The following RAD51B variants were observed in gnomAD, a reference collection of about 807,000 sequenced individuals.
The protein encoded by RAD51B is RAD51 paralog B.
In RAD51B, 38 loss-of-function variants were observed where a neutral mutation model predicts 42.2. The observed-to-expected ratio is 0.90, with a 90% CI of 0.70 to 1.18. RAD51B has a LOEUF of 1.18. Among genes scored for constraint, RAD51B ranks in the 50% most tolerant of loss-of-function variants. The probability of loss-of-function intolerance (pLI) is 0.00; values close to 1 mark genes in which losing one functional copy is unlikely to be tolerated. For synonymous variants in RAD51B, 154 were observed against 145.2 expected (o/e 1.06, Z -0.43); for missense variants, 373 against 400.7 (o/e 0.93, Z 0.59).
At chr14:67,942,807 A>G (rs1461388291) in intron 7 of RAD51B, among the ~76,000 whole-genome samples, 2 of 152,226 alleles carry the variant, frequency 1.3e-5, no homozygotes, top group African/African-American at 4.8e-5. Flanking sequence ...TTGCAATTAT[A>G]AAGTTCAGTG....
chr14:68,630,335 CT>C (rs1344365125), intron 10 of RAD51B, among the ~76,000 whole-genome samples: 1 of 152,078 alleles, frequency 6.6e-6, no homozygotes, highest in Non-Finnish European at 1.5e-5. Context: ...AGTGAACCCC[CT>C]ATCTCTGTAG....
intron 8 of RAD51B, among the ~76,000 whole-genome samples, chr14:68,381,914 T>C (rs747586957): frequency 2.6e-5 from 4 of 152,190 alleles, no homozygotes; most frequent in Non-Finnish European, 5.9e-5. Flanking sequence ...GTCCACAGTT[T>C]CTATCACTCC....
intron 7 of RAD51B, among the ~76,000 whole-genome samples, chr14:68,060,769 A>G (rs1304987809): frequency 2.0e-5 from 3 of 152,212 alleles, no homozygotes; most frequent in Non-Finnish European, 4.4e-5. Flanking sequence ...TGGACATCTA[A>G]TTAGCATTTC....
At chr14:68,497,184 C>T in intron 10 of RAD51B, 1 of 1,392,706 alleles carries the variant, frequency 7.2e-7, no homozygotes, top group Non-Finnish European at 9.6e-7. Context: ...CAAGAAAAAT[C>T]CGCTTTTCTG....
chr14:68,640,951 C>T (rs954896325), intron 10 of RAD51B, among the ~76,000 whole-genome samples: 2 of 152,122 alleles, frequency 1.3e-5, no homozygotes. Context: ...AAAAGGTAGC[C>T]AGGATCCTGA....
chr14:68,351,228 G>T (rs1310206292), intron 8 of RAD51B, among the ~76,000 whole-genome samples: 1 of 152,104 alleles, frequency 6.6e-6, no homozygotes, highest in South Asian at 2.1e-4. Flanking sequence ...TAAGAAATAG[G>T]GTTTCAACTG....
chr14:68,148,218 C>T (rs1230802231), intron 7 of RAD51B, among the ~76,000 whole-genome samples: 2 of 152,208 alleles, frequency 1.3e-5, no homozygotes, highest in Admixed American at 1.3e-4. Flanking sequence ...ATTTGCTTAT[C>T]CATTCATCTG....
At chr14:67,959,396 G>A (rs1421788201) in intron 7 of RAD51B, among the ~76,000 whole-genome samples, 4 of 151,876 alleles carry the variant, frequency 2.6e-5, no homozygotes, top group Non-Finnish European at 4.4e-5. Flanking sequence ...ACAGGCGCCC[G>A]CCACCACGCC....
chr14:68,249,141 G>C (rs1319107869), intron 7 of RAD51B, among the ~76,000 whole-genome samples: 2 of 152,164 alleles, frequency 1.3e-5, no homozygotes, highest in Admixed American at 1.3e-4. Flanking sequence ...CCGTGCAGTC[G>C]GTGGGTCATT....
intron 10 of RAD51B, among the ~76,000 whole-genome samples, chr14:68,640,203 A>G (rs950974050): frequency 2.7e-5 from 4 of 148,286 alleles, no homozygotes; most frequent in African/African-American, 9.7e-5. Context: ...CTTTACCTCC[A>G]AACACCCAAA....
At chr14:67,957,417 G>A (rs2140221174) in intron 7 of RAD51B, among the ~76,000 whole-genome samples, 1 of 152,202 alleles carries the variant, frequency 6.6e-6, no homozygotes. Context: ...CAAAACCAAA[G>A]GGACAAAGAT....
chr14:68,523,586 T>C (rs573751054), intron 10 of RAD51B, among the ~76,000 whole-genome samples: 1 of 152,320 alleles, frequency 6.6e-6, no homozygotes, highest in South Asian at 2.1e-4. Flanking sequence ...AGGAGCTTTC[T>C]CTTGGCCCTG....
chr14:68,412,300 A>C (rs1001189756), intron 9 of RAD51B, among the ~76,000 whole-genome samples: 6 of 152,212 alleles, frequency 3.9e-5, no homozygotes, highest in African/African-American at 1.4e-4. Context: ...TTTCTCCTAA[A>C]AGCAGGAGGA....
At chr14:68,038,462 G>T (rs908528553) in intron 7 of RAD51B, among the ~76,000 whole-genome samples, 2 of 151,444 alleles carry the variant, frequency 1.3e-5, no homozygotes, top group East Asian at 1.9e-4. Flanking sequence ...AAGATGCAGT[G>T]GTGCTTTTAT....
At chr14:68,156,464 T>TCTCTCTCTCTCTCG (rs1296594658) in intron 7 of RAD51B, among the ~76,000 whole-genome samples, 25 of 142,510 alleles carry the variant, frequency 1.8e-4, no homozygotes, top group African/African-American at 6.3e-4. Flanking sequence ...TTTCTCTCTC[T>TCTCTCTCTCTCTCG]CTCTCTCTCT....
intron 9 of RAD51B, chr14:68,421,816 C>T: frequency 1.3e-6 from 2 of 1,596,784 alleles, no homozygotes; most frequent in Non-Finnish European, 1.7e-6. Flanking sequence ...CCAAAGAGCA[C>T]GTGCTTGCCA....
At chr14:68,489,627 A>G (rs1450814879) in intron 10 of RAD51B, among the ~76,000 whole-genome samples, 1 of 152,206 alleles carries the variant, frequency 6.6e-6, no homozygotes, top group East Asian at 1.9e-4. Flanking sequence ...AAGTAGACAC[A>G]TTGCTAAGAA....
intron 7 of RAD51B, among the ~76,000 whole-genome samples, chr14:68,000,544 CCTGTT>C (rs2075462843): frequency 6.6e-6 from 1 of 152,134 alleles, no homozygotes; most frequent in African/African-American, 2.4e-5. Context: ...TAAAATATGT[CCTGTT>C]AAGATTTTTT....
chr14:68,060,497 TC>T (rs1290359933), intron 7 of RAD51B, among the ~76,000 whole-genome samples: 1 of 152,190 alleles, frequency 6.6e-6, no homozygotes, highest in Admixed American at 6.5e-5. Flanking sequence ...CAGACATTAA[TC>T]AAAACAGTCA....
Sources: allele counts gnomAD v4.1 joint callset (sites outside exome capture counted in the v4.1 genomes callset), GRCh38; gene constraint gnomAD v4.1.1; transcripts MANE v1.5; gene names NCBI Gene and HGNC (gene_info 2026-07-23, HGNC 2026-07-21).